SRGAP2: variants seen among roughly 807,000 people sequenced by gnomAD.
SRGAP2 encodes the protein SLIT-ROBO Rho GTPase-activating protein 2.
Under a neutral mutation model 57.2 loss-of-function variants are expected in SRGAP2, and 15 were observed. The ratio of observed to expected loss-of-function variants is 0.26; its 90% CI spans 0.18 to 0.40. The LOEUF (loss-of-function observed/expected upper bound fraction) is 0.40. Ranked by LOEUF, SRGAP2 falls within the 10% of genes least tolerant of loss-of-function variation. The pLI is 1.00. For missense variants in SRGAP2, 520 were observed against 669.6 expected, an observed-to-expected ratio of 0.78 and a Z score of 2.47; for synonymous variants, 249 against 248.0, an observed-to-expected ratio of 1.00 and a Z score of -0.04.
chr1:206,434,726 A>G (rs1661578413), intron 14 of SRGAP2, among the ~76,000 whole-genome samples: 1 of 152,174 alleles, frequency 6.6e-6, no homozygotes, highest in Non-Finnish European at 1.5e-5. Flanking sequence ...ACCTAAAGAG[A>G]GCTCCATGTG....
At chr1:206,442,111 T>C (rs1257452064) in intron 17 of SRGAP2, among the ~76,000 whole-genome samples, 2 of 152,226 alleles carry the variant, frequency 1.3e-5, no homozygotes, top group African/African-American at 4.8e-5. Flanking sequence ...CCTGGCCTTA[T>C]AGGTATCTGG....
chr1:206,445,826 G>T (rs986455925), intron 17 of SRGAP2, among the ~76,000 whole-genome samples: 1 of 152,190 alleles, frequency 6.6e-6, no homozygotes, highest in African/African-American at 2.4e-5. Context: ...TGAAATGGGA[G>T]CTGGAAAGAG....
intron 5 of SRGAP2, among the ~76,000 whole-genome samples, chr1:206,384,349 C>G (rs543865699): frequency 4.4e-3 from 662 of 152,086 alleles, no homozygotes; most frequent in Non-Finnish European, 7.8e-3. Context: ...CAGCCAAAGT[C>G]TAGGTCATTG....
At chr1:206,415,805 G>T in intron 10 of SRGAP2, 84 bp from the exon 11 acceptor site, 2 of 710,614 alleles carry the variant, frequency 2.8e-6, no homozygotes. Context: ...CCTCTATATA[G>T]GGGAATTGTC....
At chr1:206,356,932 G>T (rs1676484689) in intron 4 of SRGAP2, among the ~76,000 whole-genome samples, 1 of 137,980 alleles carries the variant, frequency 7.2e-6, no homozygotes, top group African/African-American at 2.9e-5. Flanking sequence ...CAAATCATTT[G>T]GGTCTACATC....
At chr1:206,346,460 A>T (rs1489249961) in intron 4 of SRGAP2, among the ~76,000 whole-genome samples, 1 of 152,226 alleles carries the variant, frequency 6.6e-6, no homozygotes, top group Non-Finnish European at 1.5e-5. Context: ...AAGTGGATAT[A>T]GGTGTGGAGA....
At chr1:206,290,794 A>T (rs1671275958) in intron 2 of SRGAP2, among the ~76,000 whole-genome samples, 1 of 151,866 alleles carries the variant, frequency 6.6e-6, no homozygotes. Flanking sequence ...GAATAGGGAC[A>T]TTCTTGCATA....
chr1:206,298,550 T>G lies in SRGAP2; in HGVS notation c.68-4731T>G, dbSNP rs1327065396. 2.9e-3 allele frequency among the ~76,000 whole-genome samples: 449 copies of G among 152,282 alleles called. 1 individual carries two copies. The highest frequency in any genetic ancestry group is 0.011 in the African/African-American group (438 of 41,540). On this transcript the variant is annotated intron_variant, in intron 2 of 22. Transcript: ENST00000573034. ...AAATTCACTCTTTTAAAGTGTACAA[T>G]TCAATTTTTTAAACATATTCACAAG...
At chr1:206,376,214 C>T (rs1553344600) in intron 4 of SRGAP2, among the ~76,000 whole-genome samples, 4 of 152,204 alleles carry the variant, frequency 2.6e-5, no homozygotes, top group African/African-American at 9.7e-5. Context: ...CACTTTTTAT[C>T]GTCTTTCTTT....
intron 15 of SRGAP2, among the ~76,000 whole-genome samples, chr1:206,437,426 CT>C (rs1553370468): frequency 2.0e-5 from 3 of 152,220 alleles, no homozygotes; most frequent in African/African-American, 7.2e-5. Flanking sequence ...AATGGGCAAG[CT>C]TTGGCAATTT....
chr1:206,387,125 C>CA (rs782327960), intron 5 of SRGAP2, among the ~76,000 whole-genome samples: 30,586 of 83,518 alleles, frequency 0.37, 5,818 homozygotes, highest in East Asian at 0.6. Flanking sequence ...GACTCTGTCT[C>CA]AAAAAAAAAA....
chr1:206,280,071 G>C (rs1321126918), intron 2 of SRGAP2, among the ~76,000 whole-genome samples: 2 of 151,402 alleles, frequency 1.3e-5, no homozygotes, highest in Non-Finnish European at 2.9e-5. Context: ...GATATAGAAT[G>C]GTTTATTTTG....
At chr1:206,437,232 CCTT>C (rs1364481491) in intron 15 of SRGAP2, among the ~76,000 whole-genome samples, 190 bp downstream of exon 15, 3 of 152,198 alleles carry the variant, frequency 2.0e-5, no homozygotes, top group South Asian at 2.1e-4. Context: ...ATCCCAGTTT[CCTT>C]CTTCTTTCGT....
At chr1:206,296,535 G>A (rs1335661594) in intron 2 of SRGAP2, among the ~76,000 whole-genome samples, 1 of 151,524 alleles carries the variant, frequency 6.6e-6, no homozygotes, top group East Asian at 1.9e-4. Context: ...GCTCAAGCAA[G>A]CCTCCCACCT....
Position 206,461,511 on chromosome 1 carries a change from T to G in SRGAP2, c.*91T>G. Reference sequence around the variant, plus strand: ...ATTTAACTAGCTTGGGGACTTCAGTTGAAAATTAGGTTCTAAGTTGTTCTT... The same window carrying G: ...ATTTAACTAGCTTGGGGACTTCAGTGGAAAATTAGGTTCTAAGTTGTTCTT... On this transcript the variant is annotated 3_prime_UTR_variant, in exon 23 of 23. Transcript: ENST00000573034. 1.5e-6 allele frequency: 1 copy of G among 662,054 alleles called. No homozygotes were observed. The highest frequency in any genetic ancestry group is 2.8e-6 in the Non-Finnish European group (1 of 361,208). 41.0% of individuals were successfully genotyped at this position (662,054 alleles called of 1,614,324 possible). A position where few individuals can be genotyped will look rare whatever the true frequency, so the allele number is the denominator to read the frequency against.
In SRGAP2 at chr1:206,401,282, G is replaced by A. The variant is rs2103138001; in HGVS notation, c.832-139G>A. ...ACTGAGAACTCTCACCCAGACCTTG[G>A]AAGTCGGAATGTCAGCCCTCTTTCT... On this transcript the variant is annotated intron_variant, in intron 7 of 22. Coordinates refer to ENST00000573034, the MANE Select transcript of SRGAP2 (RefSeq NM_015326.5). 5 of 713,342 alleles carry A rather than the reference G, an allele frequency of 7.0e-6. No individual in the cohort carries two copies. In the East Asian group the frequency reaches 1.3e-4, roughly 19 times the overall value. The allele number at this position is 713,342 out of a possible 1,614,324, so 44.2% of individuals were successfully genotyped here. A position where few individuals can be genotyped will look rare whatever the true frequency, so the allele number is the denominator to read the frequency against.
At chr1:206,425,353 C>T (rs1350848081) in intron 13 of SRGAP2, among the ~76,000 whole-genome samples, 1 of 152,150 alleles carries the variant, frequency 6.6e-6, no homozygotes, top group African/African-American at 2.4e-5. Context: ...TGTCATCTCA[C>T]ATATGTATCA....
At chr1:206,241,020 C>G (rs559514992) in intron 2 of SRGAP2, among the ~76,000 whole-genome samples, 1 of 152,282 alleles carries the variant, frequency 6.6e-6, no homozygotes, top group East Asian at 1.9e-4. Context: ...CCCATCTCTA[C>G]AGATAATTTA....
intron 4 of SRGAP2, among the ~76,000 whole-genome samples, chr1:206,364,181 A>G (rs1444500942): frequency 1.3e-3 from 191 of 150,038 alleles, no homozygotes; most frequent in African/African-American, 4.7e-3. Context: ...TTTGGAATCA[A>G]TAAGCAGGGT....
Sources: gnomAD v4.1 joint callset for allele counts (sites outside exome capture counted in the v4.1 genomes callset) on GRCh38, gnomAD v4.1.1 for gene constraint, MANE v1.5 for transcripts, NCBI Gene and HGNC (gene_info 2026-07-23, HGNC 2026-07-21) for gene names.